Variants in MYO1B observed in about 807,000 individuals in gnomAD.
MYO1B encodes myosin IB, also known as unconventional myosin-Ib.
A neutral mutation model predicts 159.7 loss-of-function variants in MYO1B; 72 were observed. The observed-to-expected ratio is 0.45, with a 90% CI of 0.37 to 0.55. The LOEUF (loss-of-function observed/expected upper bound fraction) is 0.55, where lower values mean the gene tolerates loss of function less well. MYO1B is among the 20% of genes least tolerant of loss of function. The pLI, the probability that MYO1B is intolerant of heterozygous loss-of-function variation, is 0.00. For synonymous variants in MYO1B, 468 were observed against 473.8 expected, an observed-to-expected ratio of 0.99 and a Z score of 0.16; for missense variants, 1,062 against 1,364.8, an observed-to-expected ratio of 0.78 and a Z score of 3.50.
At chr2:191,326,647 G>A (rs1238616590) in intron 3 of MYO1B, among the ~76,000 whole-genome samples, 1 of 152,046 alleles carries the variant, frequency 6.6e-6, no homozygotes, top group Non-Finnish European at 1.5e-5. Context: ...TTTGAGGACA[G>A]CAGTTAAGTA....
At chr2:191,259,915 G>A (rs1471453410) in intron 1 of MYO1B, among the ~76,000 whole-genome samples, 4 of 152,134 alleles carry the variant, frequency 2.6e-5, no homozygotes, top group Non-Finnish European at 5.9e-5. Context: ...TGCAAGGTCC[G>A]GAGCTTAGGG....
intron 3 of MYO1B, among the ~76,000 whole-genome samples, chr2:191,317,923 A>G (rs1690457324): frequency 1.3e-5 from 2 of 152,244 alleles, no homozygotes; most frequent in South Asian, 4.1e-4. Flanking sequence ...TTGGCAAGCA[A>G]ACATAGACTT....
intron 13 of MYO1B, among the ~76,000 whole-genome samples, chr2:191,375,076 T>G (rs1694614238): frequency 6.6e-6 from 1 of 152,210 alleles, no homozygotes; most frequent in Admixed American, 6.5e-5. Context: ...TAGTAGCTGA[T>G]TATTTCACCT....
At chr2:191,245,800 A>C in intron 1 of MYO1B, 174 bp downstream of exon 1, 6 of 149,138 alleles carry the variant, frequency 4.0e-5, no homozygotes, top group East Asian at 4.1e-4. Flanking sequence ...TGCGGCGGGA[A>C]CGGCGCACGC....
chr2:191,350,843 T>C (rs1692872017), intron 7 of MYO1B, among the ~76,000 whole-genome samples: 1 of 150,432 alleles, frequency 6.6e-6, no homozygotes, highest in Non-Finnish European at 1.5e-5. Flanking sequence ...TCAGATGAGG[T>C]CTGCTCATTC....
chr2:191,341,962 T>C (rs1692251966), intron 5 of MYO1B, among the ~76,000 whole-genome samples: 2 of 152,066 alleles, frequency 1.3e-5, no homozygotes, highest in African/African-American at 4.8e-5. Context: ...ACTTAAGGAC[T>C]CATTTTTTCC....
At chr2:191,300,884 A>G (rs1022904092) in intron 3 of MYO1B, among the ~76,000 whole-genome samples, 3 of 152,110 alleles carry the variant, frequency 2.0e-5, no homozygotes, top group Non-Finnish European at 2.9e-5. Flanking sequence ...TTTAAATTTT[A>G]GGTAATTAAA....
At chr2:191,274,741 C>G (rs143245760) in intron 1 of MYO1B, among the ~76,000 whole-genome samples, 1 of 152,132 alleles carries the variant, frequency 6.6e-6, no homozygotes, top group African/African-American at 2.4e-5. Flanking sequence ...GACTCTGGCT[C>G]TGGCTTCACC....
At position 191,381,345 on chromosome 2, in the gene MYO1B, A is replaced by G. The variant is rs1304716036; in HGVS notation, c.1186-117A>G. ...TCCTAGGAGCCGTGTGCTGGGCCAC[A>G]GTTAAATCTGAGAGATCATGTGTGG... On this transcript the variant is annotated intron_variant, in intron 13 of 30. Transcript: ENST00000392318. 10 of 798,584 alleles carry G rather than the reference A, an allele frequency of 1.3e-5. No homozygotes were observed. In the Admixed American group the frequency reaches 1.7e-4, roughly 14 times the overall value. The allele number at this position is 798,584 out of a possible 1,614,324, so 49.5% of individuals were successfully genotyped here.
intron 5 of MYO1B, among the ~76,000 whole-genome samples, chr2:191,342,485 A>G (rs1000095139): frequency 2.0e-5 from 3 of 152,108 alleles, no homozygotes; most frequent in African/African-American, 7.2e-5. Context: ...GGCATACAAC[A>G]TCAGTATGAA....
At chr2:191,392,450 A>G (rs1695813125) in intron 19 of MYO1B, among the ~76,000 whole-genome samples, 1 of 152,206 alleles carries the variant, frequency 6.6e-6, no homozygotes, top group African/African-American at 2.4e-5. Flanking sequence ...GAAATCACAA[A>G]GAAACTGTTA....
chr2:191,254,370 C>T (rs561667838), intron 1 of MYO1B, among the ~76,000 whole-genome samples: 305 of 152,094 alleles, frequency 2.0e-3, no homozygotes, highest in African/African-American at 7.1e-3. Context: ...GCAACCACCA[C>T]GCCTGGCTAA....
chr2:191,363,221 AGACTGGTTTTAGAACC>A (rs2126016597), intron 9 of MYO1B, among the ~76,000 whole-genome samples: 1 of 152,326 alleles, frequency 6.6e-6, no homozygotes, highest in Admixed American at 6.5e-5. Flanking sequence ...CTTGAGTCCA[AGACTGGTTTTAGAACC>A]ACTTTGCCTG....
At chr2:191,413,821 C>T (rs1172587632) in intron 27 of MYO1B, among the ~76,000 whole-genome samples, 1 of 152,124 alleles carries the variant, frequency 6.6e-6, no homozygotes, top group African/African-American at 2.4e-5. Context: ...TTATCAAAGT[C>T]CTGCCCACCA....
chr2:191,397,394 CTTAACGAGCATG>C (rs888294658), intron 21 of MYO1B, among the ~76,000 whole-genome samples: 27 of 148,606 alleles, frequency 1.8e-4, no homozygotes, highest in African/African-American at 6.1e-4. Context: ...GGTGATGACT[CTTAACGAGCATG>C]CTGACTTCAA....
chr2:191,375,657 T>A (rs1694660609), intron 13 of MYO1B, among the ~76,000 whole-genome samples: 1 of 152,106 alleles, frequency 6.6e-6, no homozygotes, highest in Admixed American at 6.6e-5. Flanking sequence ...ACAGACCATC[T>A]TTTCAGTTAT....
chr2:191,381,288 C>T (rs1386139118), intron 13 of MYO1B, 174 bp from the exon 14 acceptor site: 4 of 689,054 alleles, frequency 5.8e-6, no homozygotes, highest in Admixed American at 2.0e-5. Flanking sequence ...TCATGACCCA[C>T]TCCTCGAGTG....
At chr2:191,336,798 C>G (rs889182256) in intron 4 of MYO1B, among the ~76,000 whole-genome samples, 4 of 152,102 alleles carry the variant, frequency 2.6e-5, no homozygotes, top group African/African-American at 7.2e-5. Flanking sequence ...CTCTTTAGCC[C>G]TAAACTCTGG....
chr2:191,280,805 G>A (rs767011251), intron 2 of MYO1B, among the ~76,000 whole-genome samples: 5 of 152,218 alleles, frequency 3.3e-5, no homozygotes, highest in South Asian at 2.1e-4. Flanking sequence ...ACTCCTCACC[G>A]GTTTGGTAGG....
Sources: gnomAD v4.1 joint callset for allele counts (sites outside exome capture counted in the v4.1 genomes callset) on GRCh38, gnomAD v4.1.1 for gene constraint, MANE v1.5 for transcripts, NCBI Gene and HGNC (gene_info 2026-07-23, HGNC 2026-07-21) for gene names.